The following TRIM66 variants were observed in gnomAD, a reference collection of about 807,000 sequenced individuals.
TRIM66 encodes tripartite motif-containing protein 66.
A neutral mutation model predicts 148.2 loss-of-function variants in TRIM66; 99 were observed. The ratio of observed to expected loss-of-function variants is 0.67; its 90% CI spans 0.57 to 0.79. The LOEUF (loss-of-function observed/expected upper bound fraction) is 0.79. Among genes scored for constraint, TRIM66 ranks in the 30% least tolerant of loss-of-function variants. The probability of loss-of-function intolerance (pLI) is 0.00; values close to 1 mark genes in which losing one functional copy is unlikely to be tolerated. For missense variants in TRIM66, 1,666 were observed against 1,697.9 expected, an observed-to-expected ratio of 0.98 and a Z score of 0.33; for synonymous variants, 616 against 635.9, an observed-to-expected ratio of 0.97 and a Z score of 0.47.
intron 6 of TRIM66, among the ~76,000 whole-genome samples, chr11:8,653,409 A>G (rs2037533510): frequency 1.3e-5 from 2 of 152,232 alleles, no homozygotes; most frequent in African/African-American, 4.8e-5. Context: ...GAACTTTAAG[A>G]GTGCCATGTG....
At chr11:8,662,395 A>C (rs991606617) in intron 6 of TRIM66, among the ~76,000 whole-genome samples, 3 of 152,126 alleles carry the variant, frequency 2.0e-5, no homozygotes, top group Non-Finnish European at 4.4e-5. Context: ...CCCTCTTTGG[A>C]TATTCCTAAA....
At position 8,649,595 on chromosome 11, in the gene TRIM66, G is replaced by C. The variant is rs2037174122; in HGVS notation, c.592+145C>G. 8.7e-6 allele frequency: 10 copies of C among 1,153,122 alleles called. No individual in the cohort carries two copies. The African/African-American group carries it at 1.3e-4, about 14-fold the overall frequency. 71.4% of individuals were successfully genotyped at this position (1,153,122 alleles called of 1,614,324 possible). A position where few individuals can be genotyped will look rare whatever the true frequency, so the allele number is the denominator to read the frequency against. The stretch of plus-strand genomic sequence containing the variant: ...GTGAGTCACCCCTTTGACTCTGAAG[G>C]AGACTTCCTTTGGGAAAGGCTCTGA... On this transcript the variant is annotated intron_variant, in intron 8 of 24. Coordinates refer to ENST00000646038, the MANE Select transcript of TRIM66 (RefSeq NM_001388022.1).
At chr11:8,646,011 C>G in intron 11 of TRIM66, 124 bp from the exon 12 acceptor site, 1 of 919,362 alleles carries the variant, frequency 1.1e-6, no homozygotes, top group Non-Finnish European at 1.6e-6. Flanking sequence ...CCTGAGAGGA[C>G]AGCAGGGCAG....
chr11:8,618,071 T>C, intron 24 of TRIM66, 68 bp from the exon 25 acceptor site: 1 of 1,442,632 alleles, frequency 6.9e-7, no homozygotes, highest in Admixed American at 2.0e-5. Context: ...GAAAAGGCTA[T>C]GTCAAGATTG....
chr11:8,676,981 C>T (rs1430731347), intron 3 of TRIM66, among the ~76,000 whole-genome samples: 3 of 152,172 alleles, frequency 2.0e-5, no homozygotes, highest in East Asian at 1.9e-4. Context: ...AATTTTAAAA[C>T]ATTGCCTTGC....
At chr11:8,623,648 T>A (rs2034522149) in intron 17 of TRIM66, among the ~76,000 whole-genome samples, 1 of 152,200 alleles carries the variant, frequency 6.6e-6, no homozygotes, top group South Asian at 2.1e-4. Context: ...CAAATGATCA[T>A]CAGGAAGTCG....
intron 11 of TRIM66, 46 bp from the exon 12 acceptor site, chr11:8,645,933 G>A (rs1285583178): frequency 4.6e-6 from 7 of 1,535,384 alleles, no homozygotes; most frequent in Non-Finnish European, 6.2e-6. Flanking sequence ...TTACTGGACT[G>A]TAATCCACCT....
chr11:8,643,433 A>G (rs1033931070), intron 12 of TRIM66, among the ~76,000 whole-genome samples: 2 of 151,012 alleles, frequency 1.3e-5, no homozygotes, highest in Non-Finnish European at 2.9e-5. Flanking sequence ...TTTGCCTCCC[A>G]GGTTCACGCC....
intron 6 of TRIM66, among the ~76,000 whole-genome samples, chr11:8,657,201 C>T (rs757214773): frequency 1.3e-5 from 2 of 152,184 alleles, no homozygotes; most frequent in African/African-American, 4.8e-5. Flanking sequence ...GCTTAGGCCA[C>T]CAAGTGAGGA....
intron 7 of TRIM66, among the ~76,000 whole-genome samples, chr11:8,651,465 A>G (rs2133257710): frequency 6.6e-6 from 1 of 152,338 alleles, no homozygotes; most frequent in Non-Finnish European, 1.5e-5. Context: ...ACAAAAGCCC[A>G]GTACTGGTAT....
At chr11:8,637,263 C>T (rs1256394754) in intron 15 of TRIM66, among the ~76,000 whole-genome samples, 1 of 151,962 alleles carries the variant, frequency 6.6e-6, no homozygotes, top group Non-Finnish European at 1.5e-5. Flanking sequence ...GTATGCCTGG[C>T]ACCTAGTAGA....
intron 6 of TRIM66, among the ~76,000 whole-genome samples, chr11:8,661,071 G>A (rs958339658): frequency 3.9e-5 from 6 of 152,144 alleles, no homozygotes; most frequent in African/African-American, 1.4e-4. Flanking sequence ...GGAGTGATCA[G>A]GGTCAAAGCT....
At chr11:8,658,784 C>A in intron 6 of TRIM66, 1 of 985,290 alleles carries the variant, frequency 1.0e-6, no homozygotes, top group Non-Finnish European at 1.2e-6. Flanking sequence ...CCTCCATGCC[C>A]CCGGCACTGA....
In TRIM66 at chr11:8,682,635, T is replaced by C. The variant is rs1225314322; in HGVS notation, c.-582A>G. On this transcript the variant is annotated 5_prime_UTR_variant, in exon 1 of 25. Transcript: ENST00000646038. ...ACACCGCCACCAGGACACTCCGTGA[T>C]GGGGGATCACCACCCTCAGAAAGAG... 1 of 705,646 alleles carries C rather than the reference T, an allele frequency of 1.4e-6. No homozygotes were observed. The highest frequency in any genetic ancestry group is 2.5e-6 in the Non-Finnish European group (1 of 395,188). The allele number at this position is 705,646 out of a possible 1,614,324, so 43.7% of individuals were successfully genotyped here.
intron 15 of TRIM66, among the ~76,000 whole-genome samples, chr11:8,627,962 G>T (rs1457017668): frequency 2.6e-5 from 4 of 152,252 alleles, no homozygotes; most frequent in South Asian, 2.1e-4. Flanking sequence ...CAGAGTAGCT[G>T]GGACTACAGG....
chr11:8,625,435 TAGAG>T lies in TRIM66; in HGVS notation c.2311-211_2311-208del, dbSNP rs1468710409. On this transcript the variant is annotated intron_variant, in intron 15 of 24. Coordinates refer to ENST00000646038, the MANE Select transcript of TRIM66 (RefSeq NM_001388022.1). ...CCAAGGAGGCTGCTAGGCTATGACA[TAGAG>T]AGAGAGGCACAAGCGGAGAACTATT... 7.5e-5 allele frequency among the ~76,000 whole-genome samples: 11 copies of T among 145,874 alleles called. No homozygotes were observed. In the South Asian group the frequency reaches 2.0e-3, roughly 27 times the overall value.
chr11:8,669,382 G>A (rs956645922), intron 6 of TRIM66, among the ~76,000 whole-genome samples: 4 of 152,178 alleles, frequency 2.6e-5, no homozygotes, highest in East Asian at 1.9e-4. Flanking sequence ...AGTGGCTCAC[G>A]CCTGTAATCC....
intron 12 of TRIM66, among the ~76,000 whole-genome samples, chr11:8,643,787 C>T (rs1208558986): frequency 6.6e-6 from 1 of 152,166 alleles, no homozygotes; most frequent in Non-Finnish European, 1.5e-5. Flanking sequence ...CTCCCCATTG[C>T]TGTACTTCCA....
intron 15 of TRIM66, among the ~76,000 whole-genome samples, chr11:8,630,721 C>G (rs1592055194): frequency 6.6e-6 from 1 of 152,250 alleles, no homozygotes; most frequent in South Asian, 2.1e-4. Flanking sequence ...CCTCTTGCCT[C>G]TTTTTTGTCT....
Sources: allele counts gnomAD v4.1 joint callset (sites outside exome capture counted in the v4.1 genomes callset), GRCh38; gene constraint gnomAD v4.1.1; transcripts MANE v1.5; gene names NCBI Gene and HGNC (gene_info 2026-07-23, HGNC 2026-07-21).